SP4: variants seen among roughly 807,000 people sequenced by gnomAD.
SP4 encodes Sp4 transcription factor, also known as transcription factor Sp4.
In SP4, 19 loss-of-function variants were observed where a neutral mutation model predicts 72.8. That is an observed-to-expected ratio of 0.26 (90% confidence interval 0.18 to 0.38). The LOEUF (loss-of-function observed/expected upper bound fraction) is 0.38. Among genes scored for constraint, SP4 ranks in the 10% least tolerant of loss-of-function variants. SP4 has a pLI of 1.00. For synonymous variants in SP4, 395 were observed against 333.1 expected (o/e 1.19, Z -2.02); for missense variants, 1,008 against 926.3 (o/e 1.09, Z -1.14).
chr7:21,446,248 C>G (rs1048778626), intron 3 of SP4, among the ~76,000 whole-genome samples: 3 of 152,134 alleles, frequency 2.0e-5, no homozygotes, highest in Non-Finnish European at 4.4e-5. Flanking sequence ...TCTTCATACT[C>G]CTATCCTTAC....
chr7:21,430,972 G>A (rs1782832890), intron 3 of SP4, 129 bp downstream of exon 3: 2 of 651,650 alleles, frequency 3.1e-6, no homozygotes, highest in East Asian at 5.4e-5. Flanking sequence ...ACCAGAAATA[G>A]CAATATTATA....
chr7:21,445,140 G>C (rs1481598485), intron 3 of SP4, among the ~76,000 whole-genome samples: 1 of 152,090 alleles, frequency 6.6e-6, no homozygotes, highest in African/African-American at 2.4e-5. Context: ...AAGAATATAA[G>C]CGCAATAAGA....
rs1783342033 is a variant in SP4, at chr7:21,443,973, T to C, written c.1678+13130T>C. ...ATTTCTGATTTTGTTAGTATAGGTT[T>C]TTAAAGTTAAAGCGTATTTTTATTT... On this transcript the variant is annotated intron_variant, in intron 3 of 5. Coordinates refer to ENST00000222584, the MANE Select transcript of SP4 (RefSeq NM_003112.5). 2.6e-5 allele frequency among the ~76,000 whole-genome samples: 4 copies of C among 152,234 alleles called. No homozygotes were observed. In the South Asian group the frequency reaches 8.3e-4, roughly 31 times the overall value.
intron 4 of SP4, among the ~76,000 whole-genome samples, chr7:21,479,449 G>A (rs554328414): frequency 6.6e-6 from 1 of 152,022 alleles, no homozygotes. Flanking sequence ...CATAGAACAT[G>A]GATTTATTTC....
chr7:21,472,230 C>G (rs1784366969), intron 3 of SP4, among the ~76,000 whole-genome samples: 2 of 152,160 alleles, frequency 1.3e-5, no homozygotes, highest in South Asian at 4.2e-4. Context: ...GAAGTCAGAA[C>G]CCTGGAGAGT....
intron 4 of SP4, 101 bp downstream of exon 4, chr7:21,477,408 C>A: frequency 2.8e-6 from 2 of 708,288 alleles, no homozygotes; most frequent in Admixed American, 2.3e-5. Flanking sequence ...ACTTCATTAC[C>A]TTTGTAGCCT....
chr7:21,510,039 G>T (rs983929812), intron 5 of SP4, among the ~76,000 whole-genome samples: 2 of 152,180 alleles, frequency 1.3e-5, no homozygotes, highest in East Asian at 3.9e-4. Flanking sequence ...ATCGTATCTT[G>T]TGAGGCTTAT....
At chr7:21,508,003 A>G (rs190577358) in intron 5 of SP4, among the ~76,000 whole-genome samples, 94 of 151,974 alleles carry the variant, frequency 6.2e-4, no homozygotes, top group African/African-American at 2.2e-3. Flanking sequence ...TTACAGTCCA[A>G]TTTTCCTCCC....
intron 3 of SP4, among the ~76,000 whole-genome samples, chr7:21,468,187 C>G (rs754825578): frequency 2.0e-5 from 3 of 152,130 alleles, no homozygotes; most frequent in Non-Finnish European, 4.4e-5. Context: ...CCTAAGCTAA[C>G]AGCACCTTAT....
rs1158371722 is a variant in SP4 at position 21,514,527 on chromosome 7, TTTG to T, written c.*3260_*3262del. On this transcript the variant is annotated 3_prime_UTR_variant, in exon 6 of 6. Transcript: ENST00000222584. ...AGTAACATTTCACTTGTAAATTTTT[TTTG>T]TAAAAAAAAAAAAATGAAAAAAAAA... 501 of 71,916 alleles carry T rather than the reference TTTG, an allele frequency of 7.0e-3. 3 individuals carry two copies. The highest frequency in any genetic ancestry group is 0.013 in the Middle Eastern group (2 of 152). 4.5% of individuals were successfully genotyped at this position (71,916 alleles called of 1,614,324 possible).
At chr7:21,488,655 G>A (rs1450658763) in intron 5 of SP4, among the ~76,000 whole-genome samples, 1 of 151,908 alleles carries the variant, frequency 6.6e-6, no homozygotes, top group Non-Finnish European at 1.5e-5. Flanking sequence ...AGCTACTCAG[G>A]AGGCTGAGGC....
In SP4 at chr7:21,514,613, C is replaced by T. The variant is rs1391741507; in HGVS notation, c.*3344C>T. 6.6e-6 allele frequency: 1 copy of T among 151,312 alleles called. No homozygotes were observed. 9.4% of individuals were successfully genotyped at this position (151,312 alleles called of 1,614,324 possible). On this transcript the variant is annotated 3_prime_UTR_variant, in exon 6 of 6. Coordinates refer to ENST00000222584, the MANE Select transcript of SP4 (RefSeq NM_003112.5). Reference sequence around the variant, plus strand: ...TCTAGAATTTAGACAATTATTCTGCCAGCAAAGCCTCTGGGGCTGTAATTG... The same window carrying T: ...TCTAGAATTTAGACAATTATTCTGCTAGCAAAGCCTCTGGGGCTGTAATTG...
At chr7:21,434,572 T>C (rs1257003744) in intron 3 of SP4, among the ~76,000 whole-genome samples, 1 of 152,202 alleles carries the variant, frequency 6.6e-6, no homozygotes, top group Non-Finnish European at 1.5e-5. Context: ...TGTTTTGTTA[T>C]TGGGATTCTA....
chr7:21,492,447 G>A (rs1785004894), intron 5 of SP4, among the ~76,000 whole-genome samples: 1 of 152,160 alleles, frequency 6.6e-6, no homozygotes, highest in Non-Finnish European at 1.5e-5. Flanking sequence ...AATAGTCATT[G>A]GAGTGTGTTG....
intron 3 of SP4, among the ~76,000 whole-genome samples, chr7:21,433,721 A>G (rs1782947047): frequency 6.6e-6 from 1 of 152,172 alleles, no homozygotes; most frequent in African/African-American, 2.4e-5. Context: ...CAGGTGGATC[A>G]CCTGAGGTTG....
chr7:21,452,432 T>C (rs1386231684), intron 3 of SP4, among the ~76,000 whole-genome samples: 5 of 152,222 alleles, frequency 3.3e-5, no homozygotes, highest in Admixed American at 2.0e-4. Flanking sequence ...CTTGTCTTGC[T>C]TGGGGCTCCT....
chr7:21,469,467 C>G (rs1190273375), intron 3 of SP4, among the ~76,000 whole-genome samples: 1 of 151,458 alleles, frequency 6.6e-6, no homozygotes, highest in Non-Finnish European at 1.5e-5. Context: ...TAATACTAAA[C>G]TATTTATTTT....
intron 3 of SP4, among the ~76,000 whole-genome samples, chr7:21,437,664 G>T (rs1783091837): frequency 6.6e-6 from 1 of 152,150 alleles, no homozygotes; most frequent in Admixed American, 6.5e-5. Flanking sequence ...TAACAGGTAA[G>T]ATCCTCTCCT....
At chr7:21,449,044 C>A (rs960880353) in intron 3 of SP4, among the ~76,000 whole-genome samples, 1 of 152,140 alleles carries the variant, frequency 6.6e-6, no homozygotes, top group African/African-American at 2.4e-5. Context: ...ACACACCAAC[C>A]AATCCAGAGC....
Sources: gnomAD v4.1 joint callset for allele counts (sites outside exome capture counted in the v4.1 genomes callset) on GRCh38, gnomAD v4.1.1 for gene constraint, MANE v1.5 for transcripts, NCBI Gene and HGNC (gene_info 2026-07-23, HGNC 2026-07-21) for gene names.